The following CDC73 variants were observed in gnomAD, a reference collection of about 807,000 sequenced individuals.
The protein encoded by CDC73 is parafibromin.
CDC73 carries 21 observed loss-of-function variants against 83.7 expected under a neutral mutation model. That is an observed-to-expected ratio of 0.25 (90% confidence interval 0.18 to 0.36). The LOEUF (loss-of-function observed/expected upper bound fraction) is 0.36. Among genes scored for constraint, CDC73 ranks in the 10% least tolerant of loss-of-function variants. The pLI is 1.00. For missense variants in CDC73, 342 were observed against 653.3 expected, an observed-to-expected ratio of 0.52 and a Z score of 5.19; for synonymous variants, 224 against 212.9, an observed-to-expected ratio of 1.05 and a Z score of -0.45.
At chr1:193,250,533 T>G in intron 16 of CDC73, 143 bp from the exon 17 acceptor site, 1 of 642,754 alleles carries the variant, frequency 1.6e-6, no homozygotes, top group Non-Finnish European at 2.8e-6. Context: ...TTCCAGAGTC[T>G]TTATATTTCC....
At chr1:193,136,485 A>G (rs1157598974) in intron 5 of CDC73, 2 of 285,000 alleles carry the variant, frequency 7.0e-6, no homozygotes, top group Non-Finnish European at 8.2e-6. Flanking sequence ...CTTTATATGT[A>G]TTAACTCATG....
intron 11 of CDC73, among the ~76,000 whole-genome samples, chr1:193,208,011 G>A (rs1677218335): frequency 6.6e-6 from 1 of 152,118 alleles, no homozygotes; most frequent in Non-Finnish European, 1.5e-5. Context: ...TTTGCCGTAG[G>A]CATTTTAAAA....
chr1:193,212,496 T>C lies in CDC73; in HGVS notation c.1154+19T>C. On this transcript the variant is annotated intron_variant, in intron 13 of 16. Transcript: ENST00000367435. ...ACCTGAAGTAAGTAATTTATTAAAC[T>C]ATCCTGTACGTAGGATATTGAGATA... is the stretch of plus-strand genomic sequence containing the variant. 7.4e-7 allele frequency: 1 copy of C among 1,360,518 alleles called. No individual in the cohort carries two copies. Among genetic ancestry groups the C allele is most frequent in the South Asian group, 1.2e-5 (1 of 84,298 alleles). The allele number at this position is 1,360,518 out of a possible 1,614,324, so 84.3% of individuals were successfully genotyped here.
intron 10 of CDC73, among the ~76,000 whole-genome samples, chr1:193,177,542 A>G (rs907864292): frequency 1.3e-5 from 2 of 151,386 alleles, no homozygotes; most frequent in Non-Finnish European, 3.0e-5. Flanking sequence ...AAAAAAAAAA[A>G]AAAAAGAACA....
chr1:193,247,650 C>T (rs1677976922), intron 15 of CDC73, among the ~76,000 whole-genome samples: 1 of 152,090 alleles, frequency 6.6e-6, no homozygotes, highest in Non-Finnish European at 1.5e-5. Flanking sequence ...GTTAAAAGTG[C>T]TACTCCAGTC....
intron 10 of CDC73, chr1:193,179,007 TCAAA>T (rs572980874): frequency 9.2e-5 from 14 of 152,276 alleles, no homozygotes; most frequent in African/African-American, 2.4e-4. Flanking sequence ...CATGATGGAG[TCAAA>T]CAAAATTATT....
chr1:193,145,399 C>G (rs551391793), intron 7 of CDC73, among the ~76,000 whole-genome samples: 122 of 152,186 alleles, frequency 8.0e-4, no homozygotes, highest in African/African-American at 2.8e-3. Context: ...ACATTTATGA[C>G]CAAATAAGAA....
intron 3 of CDC73, among the ~76,000 whole-genome samples, chr1:193,132,146 T>G (rs956955331): frequency 3.3e-5 from 5 of 152,214 alleles, no homozygotes; most frequent in Non-Finnish European, 7.4e-5. Context: ...GAGTGTGACG[T>G]GTAGTACCTT....
intron 14 of CDC73, among the ~76,000 whole-genome samples, chr1:193,233,717 A>C (rs879002843): frequency 6.6e-6 from 1 of 152,090 alleles, no homozygotes; most frequent in African/African-American, 2.4e-5. Flanking sequence ...GAGAATTTCA[A>C]TTTTCTGGTA....
At chr1:193,142,244 G>C (rs1021408859) in intron 7 of CDC73, among the ~76,000 whole-genome samples, 178 bp downstream of exon 7, 2 of 152,100 alleles carry the variant, frequency 1.3e-5, no homozygotes, top group Non-Finnish European at 2.9e-5. Flanking sequence ...TTCCATTCTT[G>C]AATATGGTTG....
chr1:193,180,404 G>A, intron 10 of CDC73: 1 of 1,613,894 alleles, frequency 6.2e-7, no homozygotes, highest in Non-Finnish European at 8.5e-7. Flanking sequence ...AGTTCACTAG[G>A]CTGGAACTGA....
At chr1:193,224,720 A>G (rs892882184) in intron 13 of CDC73, among the ~76,000 whole-genome samples, 7 of 152,190 alleles carry the variant, frequency 4.6e-5, no homozygotes, top group African/African-American at 1.7e-4. Context: ...TAATTTCCAA[A>G]TGGTGGTCTC....
intron 8 of CDC73, among the ~76,000 whole-genome samples, chr1:193,149,042 T>C (rs1676058412): frequency 6.6e-6 from 1 of 152,210 alleles, no homozygotes; most frequent in Non-Finnish European, 1.5e-5. Context: ...GAATTTAACT[T>C]TTAAAGATGG....
chr1:193,144,731 G>T (rs1038377195), intron 7 of CDC73, among the ~76,000 whole-genome samples: 5 of 152,056 alleles, frequency 3.3e-5, no homozygotes, highest in African/African-American at 1.2e-4. Flanking sequence ...CTCATCAAGA[G>T]ACTTGTGCCG....
intron 3 of CDC73, among the ~76,000 whole-genome samples, chr1:193,134,663 C>A (rs1316476973): frequency 6.6e-6 from 1 of 151,432 alleles, no homozygotes; most frequent in Non-Finnish European, 1.5e-5. Flanking sequence ...AGCGAGACTC[C>A]GTCTCAAAAA....
intron 13 of CDC73, among the ~76,000 whole-genome samples, chr1:193,220,017 T>C (rs1677438724): frequency 6.6e-6 from 1 of 152,166 alleles, no homozygotes; most frequent in Non-Finnish European, 1.5e-5. Context: ...TATTTTGTAA[T>C]CTGAATGCTC....
chr1:193,185,850 A>G (rs1388456262), intron 10 of CDC73, among the ~76,000 whole-genome samples: 4 of 152,202 alleles, frequency 2.6e-5, no homozygotes, highest in Non-Finnish European at 5.9e-5. Flanking sequence ...TAAAGCAGTG[A>G]CAGCTTGTCT....
At chr1:193,145,964 A>G (rs1367002471) in intron 7 of CDC73, among the ~76,000 whole-genome samples, 2 of 152,232 alleles carry the variant, frequency 1.3e-5, no homozygotes, top group Non-Finnish European at 2.9e-5. Flanking sequence ...CGTACATTAT[A>G]GGGCAGACAC....
chr1:193,161,065 C>T (rs1676299832), intron 10 of CDC73: 1 of 168,986 alleles, frequency 5.9e-6, no homozygotes, highest in Non-Finnish European at 1.3e-5. Context: ...CCTTTCCCCT[C>T]CCCCATCCTA....
Sources: gnomAD v4.1 joint callset for allele counts (sites outside exome capture counted in the v4.1 genomes callset) on GRCh38, gnomAD v4.1.1 for gene constraint, MANE v1.5 for transcripts, NCBI Gene and HGNC (gene_info 2026-07-23, HGNC 2026-07-21) for gene names.